Variants in MEGF9 observed in about 807,000 individuals in gnomAD.
MEGF9 encodes the protein multiple EGF like domains 9, also known as multiple epidermal growth factor-like domains protein 9.
A neutral mutation model predicts 46.8 loss-of-function variants in MEGF9; 6 were observed. That is an observed-to-expected ratio of 0.13 (90% CI 0.07 to 0.25). The LOEUF is 0.25. Among genes scored for constraint, MEGF9 ranks in the 10% least tolerant of loss-of-function variants. MEGF9 has a pLI of 1.00. For missense variants in MEGF9, 683 were observed against 792.4 expected (o/e 0.86, Z 1.66); for synonymous variants, 302 against 330.7 (o/e 0.91, Z 0.94).
At chr9:120,632,674 G>C (rs1254268723) in intron 2 of MEGF9, among the ~76,000 whole-genome samples, 1 of 152,122 alleles carries the variant, frequency 6.6e-6, no homozygotes, top group East Asian at 1.9e-4. Flanking sequence ...TCTTTTTCCA[G>C]TTCTTAGGGG....
intron 3 of MEGF9, among the ~76,000 whole-genome samples, chr9:120,617,252 C>T (rs192550170): frequency 1.4e-4 from 21 of 152,274 alleles, no homozygotes; most frequent in Admixed American, 1.2e-3. Flanking sequence ...GAATGTAGGG[C>T]TCCTTTCCAG....
chr9:120,605,680 A>T lies in MEGF9; in HGVS notation c.1358-39T>A, dbSNP rs566899776. 9.2e-6 allele frequency: 13 copies of T among 1,408,998 alleles called. No individual in the cohort carries two copies. The South Asian group carries it at 1.7e-4, about 18-fold the overall frequency. 87.3% of individuals were successfully genotyped at this position (1,408,998 alleles called of 1,614,324 possible). ...CAGAGAATGAAATGTAAAAGACAAAATTATCTAGTTTTGAGAAACAATAAA... is the reference window on the plus strand; with the variant it reads ...CAGAGAATGAAATGTAAAAGACAAATTTATCTAGTTTTGAGAAACAATAAA... On this transcript the variant is annotated intron_variant, in intron 5 of 5. Coordinates refer to ENST00000373930, the MANE Select transcript of MEGF9 (RefSeq NM_001080497.3). The surrounding 1 kb of genome is among the most constrained non-coding windows in gnomAD (Gnocchi z 4.0).
intron 1 of MEGF9, among the ~76,000 whole-genome samples, chr9:120,699,646 C>A (rs1036053896): frequency 6.7e-6 from 1 of 149,950 alleles, no homozygotes; most frequent in Non-Finnish European, 1.5e-5. Context: ...TCACCTGAGC[C>A]CAGGAGTTCG....
In MEGF9 at chr9:120,696,550, G is replaced by A. The variant is rs117213938; in HGVS notation, c.601+17208C>T. Among the ~76,000 whole-genome samples, 832 of 152,188 alleles carry A rather than the reference G, an allele frequency of 5.5e-3. 4 individuals are homozygous for A. The highest frequency in any genetic ancestry group is 9.3e-3 in the Non-Finnish European group (634 of 68,006). On this transcript the variant is annotated intron_variant, in intron 1 of 5. Coordinates refer to ENST00000373930, the MANE Select transcript of MEGF9 (RefSeq NM_001080497.3). ...TAACGCTCTTAGTATCTGACAAAGA[G>A]TAACCTTCACAGATGATTGCTTTAT...
In MEGF9 at chr9:120,613,160, T is replaced by G. The variant is rs150809570; in HGVS notation, c.944-621A>C. The stretch of plus-strand genomic sequence containing the variant: ...CACCCAGCCTAAATCTTAAAAAGAA[T>G]GTTGGTTGAAAAGCAAATTGGGGAA... On this transcript the variant is annotated intron_variant, in intron 3 of 5. Coordinates refer to ENST00000373930, the MANE Select transcript of MEGF9 (RefSeq NM_001080497.3). 2.8e-3 allele frequency among the ~76,000 whole-genome samples: 428 copies of G among 152,262 alleles called. 4 individuals are homozygous for G. Among genetic ancestry groups the G allele is most frequent in the African/African-American group, 9.9e-3 (411 of 41,554 alleles).
intron 3 of MEGF9, among the ~76,000 whole-genome samples, chr9:120,616,762 G>A (rs925987911): frequency 2.0e-5 from 3 of 150,812 alleles, no homozygotes; most frequent in Non-Finnish European, 2.9e-5. Flanking sequence ...CACAAACTAA[G>A]TTACCTTAAG....
At chr9:120,700,796 T>C (rs2043900666) in intron 1 of MEGF9, among the ~76,000 whole-genome samples, 1 of 152,096 alleles carries the variant, frequency 6.6e-6, no homozygotes, top group Admixed American at 6.5e-5. Flanking sequence ...AAAGACCGTT[T>C]CCAGGCCAGG....
chr9:120,689,030 A>G (rs2043836572), intron 1 of MEGF9, among the ~76,000 whole-genome samples: 1 of 152,230 alleles, frequency 6.6e-6, no homozygotes, highest in Non-Finnish European at 1.5e-5. Flanking sequence ...TACAACAATG[A>G]GAAAGACAGA....
intron 1 of MEGF9, among the ~76,000 whole-genome samples, chr9:120,706,075 C>T (rs1036525617): frequency 2.0e-5 from 3 of 152,132 alleles, no homozygotes; most frequent in Non-Finnish European, 2.9e-5. Flanking sequence ...ATTCTCTCCA[C>T]CCATAATTTA....
Position 120,613,112 on chromosome 9 carries a change from C to T in MEGF9, c.944-573G>A, listed in dbSNP as rs376558483. On this transcript the variant is annotated intron_variant, in intron 3 of 5. Transcript: ENST00000373930. ...TTGGCCTCCCAAAGTTTTGGGATTA[C>T]AGGCATGAGCCATTAGATTAGCCAC... Among the ~76,000 whole-genome samples, 33 of 152,178 alleles carry T rather than the reference C, an allele frequency of 2.2e-4. No homozygotes were observed. In the South Asian group the frequency reaches 6.8e-3, roughly 32 times the overall value.
At chr9:120,705,177 T>C (rs2043923742) in intron 1 of MEGF9, among the ~76,000 whole-genome samples, 1 of 152,076 alleles carries the variant, frequency 6.6e-6, no homozygotes, top group Non-Finnish European at 1.5e-5. Flanking sequence ...AAGGATGACA[T>C]TTTCATATTA....
At chr9:120,614,710 C>T (rs1461865095) in intron 3 of MEGF9, among the ~76,000 whole-genome samples, 2 of 151,840 alleles carry the variant, frequency 1.3e-5, no homozygotes, top group East Asian at 3.9e-4. Flanking sequence ...ACCTACTCTC[C>T]CCCTATTAAA....
At chr9:120,647,182 CTAGTTAATGAT>C (rs985867167) in intron 2 of MEGF9, among the ~76,000 whole-genome samples, 6 of 149,288 alleles carry the variant, frequency 4.0e-5, no homozygotes, top group Admixed American at 1.4e-4. Flanking sequence ...CAGCTGATAT[CTAGTTAATGAT>C]TAGACTAGGA....
rs541791809 is a variant in MEGF9 at position 120,701,886 on chromosome 9, T to C, written c.601+11872A>G. Among the ~76,000 whole-genome samples the C allele has an allele frequency of 3.3e-5, 5 of 151,870 alleles. No homozygotes were observed. The East Asian group carries it at 9.7e-4, about 30-fold the overall frequency. On this transcript the variant is annotated intron_variant, in intron 1 of 5. Coordinates refer to ENST00000373930, the MANE Select transcript of MEGF9 (RefSeq NM_001080497.3). ...GCTGAAACCCCGTCTCTACTAAAAA[T>C]ACAAAAATTAGCCAGGTGTGGTGGC...
intron 1 of MEGF9, among the ~76,000 whole-genome samples, chr9:120,676,953 T>C (rs1039050573): frequency 1.3e-5 from 2 of 152,164 alleles, no homozygotes; most frequent in Non-Finnish European, 2.9e-5. Flanking sequence ...GGGTAAGTGG[T>C]TGAGACAACA....
rs371262690 is a variant in MEGF9 at position 120,659,385 on chromosome 9, T to A, written c.792A>T (p.Ile264=). 1 of 1,613,654 alleles carries A rather than the reference T, an allele frequency of 6.2e-7. No individual in the cohort carries two copies. Among genetic ancestry groups the A allele is most frequent in the Non-Finnish European group, 8.5e-7 (1 of 1,179,802 alleles). The change falls in exon 2 of 6, where the codon ATA becomes ATT. Residue 264 remains isoleucine, a synonymous_variant. Transcript: ENST00000373930. ...CDCSPHGALS[I]PCNSSGKCQC... ...CCTCTGTTGCTTACCTGTTGCACGG[T>A]ATGCTGAGAGCTCCATGTGGACTAC... is the stretch of plus-strand genomic sequence containing the variant.
chr9:120,609,553 C>T (rs917251266), intron 4 of MEGF9, among the ~76,000 whole-genome samples: 2 of 152,140 alleles, frequency 1.3e-5, no homozygotes, highest in Non-Finnish European at 2.9e-5. Context: ...AAACATAGCA[C>T]GTGTTCAATA....
chr9:120,658,407 A>G (rs557067473), intron 2 of MEGF9, among the ~76,000 whole-genome samples: 81 of 152,352 alleles, frequency 5.3e-4, no homozygotes, highest in South Asian at 1.5e-3. Context: ...CAAGGAGCTA[A>G]AAGTTCTTAA....
At chr9:120,634,305 A>G (rs927758168) in intron 2 of MEGF9, among the ~76,000 whole-genome samples, 2 of 152,072 alleles carry the variant, frequency 1.3e-5, no homozygotes, top group Non-Finnish European at 2.9e-5. Flanking sequence ...CAATTATTAT[A>G]TCCTTTTGCT....
Sources: gnomAD v4.1 joint callset for allele counts (sites outside exome capture counted in the v4.1 genomes callset) on GRCh38, gnomAD v4.1.1 for gene constraint, Gnocchi (gnomAD v3.1) non-coding constraint, MANE v1.5 for transcripts, NCBI Gene and HGNC (gene_info 2026-07-23, HGNC 2026-07-21) for gene names.